GALK1: variants seen among roughly 807,000 people sequenced by gnomAD.
GALK1 encodes galactokinase 1, also known as galactokinase.
Under a neutral mutation model 38.6 loss-of-function variants are expected in GALK1, and 30 were observed. The ratio of observed to expected loss-of-function variants is 0.78; its 90% confidence interval spans 0.58 to 1.05. GALK1 has a LOEUF of 1.05. GALK1 is among the 50% of genes least tolerant of loss of function. The pLI is 0.00. For missense variants in GALK1, 512 were observed against 540.5 expected (o/e 0.95, Z 0.52); for synonymous variants, 240 against 233.6 (o/e 1.03, Z -0.25).
At chr17:75,754,684 A>C (rs1356083300), downstream of GALK1, 1 of 1,614,102 alleles carries the variant, frequency 6.2e-7, no homozygotes, top group East Asian at 2.2e-5. Context: ...CTGAGCCCAC[A>C]CGTGCCCCAC....
Position 75,757,928 on chromosome 17 carries a change from G to A in GALK1, c.*128C>T. On this transcript the variant is annotated 3_prime_UTR_variant, in exon 8 of 8. Coordinates refer to ENST00000588479, the MANE Select transcript of GALK1 (RefSeq NM_000154.2). ...ACCCAAGCATACACCCACCTCTAGA[G>A]GAGGCAGGTACCACATTGGAGGCAC... The A allele has an allele frequency of 9.5e-7, 1 of 1,053,456 alleles. No individual in the cohort carries two copies. 65.3% of individuals were successfully genotyped at this position (1,053,456 alleles called of 1,614,324 possible). A position where few individuals can be genotyped will look rare whatever the true frequency, so the allele number is the denominator to read the frequency against.
chr17:75,755,477 A>T (rs2061475847), downstream of GALK1, among the ~76,000 whole-genome samples: 1 of 152,048 alleles, frequency 6.6e-6, no homozygotes, highest in Non-Finnish European at 1.5e-5. Flanking sequence ...TGGCAGACTC[A>T]CGGGGCTCAC....
In GALK1 at chr17:75,752,643, G is replaced by A. The variant is rs1002332117; in HGVS notation, c.*23-906C>T. On this transcript the variant is annotated intron_variant, in intron 8 of 8. Transcript: ENST00000225614. ...CTTGGGTACAGAGTGAGTCCACTGG[G>A]TCCAGAGAGGGCAAAGGGGCCAGCA... 11 of 1,595,834 alleles carry A rather than the reference G, an allele frequency of 6.9e-6. No individual in the cohort carries two copies. The East Asian group carries it at 2.2e-4, about 33-fold the overall frequency.
downstream of GALK1, chr17:75,757,186 T>C (rs1599326415): frequency 6.2e-7 from 1 of 1,612,288 alleles, no homozygotes; most frequent in South Asian, 1.1e-5. Flanking sequence ...GACTGGCCTA[T>C]CTGCCCACCC....
downstream of GALK1, chr17:75,753,630 GCCC>G: frequency 3.8e-6 from 2 of 521,470 alleles, no homozygotes; most frequent in Non-Finnish European, 5.9e-6. Context: ...ATCTACCCCC[GCCC>G]CCAACACACA....
intron 1 of GALK1, 167 bp downstream of exon 1, chr17:75,764,805 G>C (rs1247131288): frequency 1.3e-6 from 1 of 742,536 alleles, no homozygotes; most frequent in Non-Finnish European, 2.2e-6. Context: ...TTCCAACGTG[G>C]GGAACAGCCT....
At chr17:75,759,994 A>G (rs1249193325) in intron 5 of GALK1, among the ~76,000 whole-genome samples, 1 of 152,236 alleles carries the variant, frequency 6.6e-6, no homozygotes, top group Non-Finnish European at 1.5e-5. Context: ...TGCTTTACAG[A>G]GTTTTGGAGG....
downstream of GALK1, among the ~76,000 whole-genome samples, chr17:75,754,206 C>G (rs182702376): frequency 1.2e-3 from 183 of 152,300 alleles, 1 homozygote; most frequent in East Asian, 5.8e-4. Flanking sequence ...ATTCAGAAGT[C>G]TGCCCGGGAA....
rs374127081 is a variant in GALK1 at position 75,763,306 on chromosome 17, G to A, written c.475+14C>T. 18 of 1,613,840 alleles carry A rather than the reference G, an allele frequency of 1.1e-5. No homozygotes were observed. The highest frequency in any genetic ancestry group is 3.3e-5 in the South Asian group (3 of 91,068). ...GGAAGGAGGGCTGGGTCAGGGCTGGGGCCTAGCTGGTACCTGGACAGAGCT... is the reference window on the plus strand; with the variant it reads ...GGAAGGAGGGCTGGGTCAGGGCTGGAGCCTAGCTGGTACCTGGACAGAGCT... On this transcript the variant is annotated intron_variant, in intron 3 of 7. Transcript: ENST00000588479.
At chr17:75,759,438 AAAG>A (rs751125563) in intron 5 of GALK1, among the ~76,000 whole-genome samples, 66 of 81,934 alleles carry the variant, frequency 8.1e-4, no homozygotes, top group Non-Finnish European at 1.4e-3. Context: ...AAAAAAAAAG[AAAG>A]AAAGAAAGAA....
chr17:75,764,755 G>T (rs769694054), intron 1 of GALK1: 71 of 629,134 alleles, frequency 1.1e-4, no homozygotes, highest in Non-Finnish European at 1.8e-4. Context: ...GCCAAGAGGC[G>T]GCCGCGCACC....
downstream of GALK1, chr17:75,753,964 GC>G (rs1232275032): frequency 3.4e-5 from 43 of 1,261,654 alleles, no homozygotes; most frequent in Admixed American, 4.2e-5. Flanking sequence ...CGACACCCGG[GC>G]CCCCCGGAGG....
chr17:75,756,660 C>T (rs373164716), downstream of GALK1: 49 of 1,613,044 alleles, frequency 3.0e-5, no homozygotes, highest in Non-Finnish European at 4.0e-5. Flanking sequence ...CCATCATGCC[C>T]ACCACCCACC....
Position 75,758,015 on chromosome 17 carries a change from G to A in GALK1, c.*41C>T. The A allele has an allele frequency of 3.7e-6, 6 of 1,606,538 alleles. No homozygotes were observed. Among genetic ancestry groups the A allele is most frequent in the Non-Finnish European group, 5.1e-6 (6 of 1,175,378 alleles). ...GGGCACAGAGCCGTGGGACTGGCCT[G>A]CAGGCCCCGCACCCTCACCGTGTGC... On this transcript the variant is annotated 3_prime_UTR_variant, in exon 8 of 8. Transcript: ENST00000588479.
At chr17:75,756,522 G>T, downstream of GALK1, 1 of 1,613,276 alleles carries the variant, frequency 6.2e-7, no homozygotes, top group Non-Finnish European at 8.5e-7. Flanking sequence ...TTCCGCGTGC[G>T]GGCCCAGAGC....
Position 75,763,416 on chromosome 17 carries a change from C to A in GALK1, c.379G>T (p.Ala127Ser). 19 of 1,608,854 alleles carry A rather than the reference C, an allele frequency of 1.2e-5. No homozygotes were observed. Among genetic ancestry groups the A allele is most frequent in the Non-Finnish European group, 1.6e-5 (19 of 1,177,834 alleles). ...AGGGGCACTGAGCTGACCACCACTG[C>A]ACTGAAGCCAGGGAGGGGGGCAGCT... ...YPAAPLPGFS[A>S]VVVSSVPLGG... The change falls in exon 3 of 8, where the codon GCA becomes TCA. Residue 127 changes from alanine to serine, a missense_variant. By Grantham distance (99) the Ala-to-Ser change is moderately conservative (BLOSUM62 1). Coordinates refer to ENST00000588479, the MANE Select transcript of GALK1 (RefSeq NM_000154.2).
At chr17:75,754,430 G>T, downstream of GALK1, 1 of 983,590 alleles carries the variant, frequency 1.0e-6, no homozygotes, top group Non-Finnish European at 1.6e-6. Context: ...GAGGGCCTCT[G>T]TCCCTAGTGG....
intron 5 of GALK1, among the ~76,000 whole-genome samples, chr17:75,761,718 T>TAA (rs55872846): frequency 2.3e-5 from 3 of 132,440 alleles, no homozygotes; most frequent in Non-Finnish European, 3.3e-5. Context: ...ATGTTTAGTT[T>TAA]AAAAAAAAAA....
chr17:75,754,605 G>A (rs1285593799), downstream of GALK1: 1 of 1,613,880 alleles, frequency 6.2e-7, no homozygotes. Flanking sequence ...GATGGACTTT[G>A]CCTTCCCGGG....
Sources: gnomAD v4.1 joint callset for allele counts (sites outside exome capture counted in the v4.1 genomes callset) on GRCh38, gnomAD v4.1.1 for gene constraint, MANE v1.5 for transcripts, NCBI Gene and HGNC (gene_info 2026-07-23, HGNC 2026-07-21) for gene names.